Variants in PIGU observed in about 807,000 individuals in gnomAD.
PIGU encodes the protein GPI-anchor transamidase component PIGU.
In PIGU, 24 loss-of-function variants were observed where a neutral mutation model predicts 49.9. The ratio of observed to expected loss-of-function variants is 0.48; its 90% CI spans 0.35 to 0.68. The LOEUF is 0.68. Among genes scored for constraint, PIGU ranks in the 30% least tolerant of loss-of-function variants. The pLI is 0.01. For missense variants in PIGU, 490 were observed against 532.6 expected, an observed-to-expected ratio of 0.92 and a Z score of 0.79; for synonymous variants, 220 against 205.7, an observed-to-expected ratio of 1.07 and a Z score of -0.59.
intron 8 of PIGU, among the ~76,000 whole-genome samples, chr20:34,587,806 C>T (rs1291617627): frequency 6.6e-6 from 1 of 152,204 alleles, no homozygotes; most frequent in African/African-American, 2.4e-5. Context: ...TCCATCCCTA[C>T]TACTGTCATA....
intron 7 of PIGU, among the ~76,000 whole-genome samples, chr20:34,603,888 A>ACACACACACACACACACACACC (rs901711456): frequency 2.0e-5 from 3 of 150,584 alleles, no homozygotes; most frequent in African/African-American, 7.3e-5. Context: ...ACACACACAC[A>ACACACACACACACACACACACC]CCACACCCCT....
At chr20:34,589,148 C>T (rs1983839209) in intron 7 of PIGU, among the ~76,000 whole-genome samples, 1 of 130,972 alleles carries the variant, frequency 7.6e-6, no homozygotes, top group Non-Finnish European at 1.6e-5. Flanking sequence ...CACACACACA[C>T]ATCTGTAAGT....
chr20:34,616,057 G>T lies in PIGU; in HGVS notation c.612C>A (p.Leu204=). The T allele has an allele frequency of 6.2e-7, 1 of 1,611,334 alleles. No individual in the cohort carries two copies. Residue 204 remains leucine (L), a synonymous_variant, in exon 7 of 12, where the codon CTC becomes CTA. Transcript: ENST00000217446. ...LYPLTLFVPG[L]LYLLQRQYIP... ...AAGTGCTTACCTGGAGGAGATAGAG[G>T]AGTCCTGGGACAAACAAGGTGAGTG...
intron 3 of PIGU, 68 bp from the exon 4 acceptor site, chr20:34,644,294 G>C: frequency 7.4e-7 from 1 of 1,351,116 alleles, no homozygotes; most frequent in Non-Finnish European, 1.1e-6. Flanking sequence ...AGTGCTACCA[G>C]GGCTTGGAGT....
intron 7 of PIGU, among the ~76,000 whole-genome samples, chr20:34,607,881 G>A (rs995384145): frequency 1.3e-5 from 2 of 152,150 alleles, no homozygotes; most frequent in African/African-American, 4.8e-5. Context: ...CTCCCTAAGT[G>A]CTGGGACTAT....
intron 11 of PIGU, among the ~76,000 whole-genome samples, chr20:34,565,753 ACT>A (rs747890054): frequency 3.3e-5 from 5 of 151,670 alleles, no homozygotes; most frequent in Non-Finnish European, 5.9e-5. Context: ...ACACACGCAC[ACT>A]CACACTGCTC....
chr20:34,632,370 C>A (rs1435384311), intron 6 of PIGU, among the ~76,000 whole-genome samples: 1 of 151,438 alleles, frequency 6.6e-6, no homozygotes, highest in Non-Finnish European at 1.5e-5. Context: ...ATCTCATATA[C>A]CCTTTTTTTT....
In PIGU at chr20:34,591,853, T is replaced by C. The variant is rs374417950; in HGVS notation, c.628-3246A>G. ...ACCTCATATTACTATTTGTGTAATGTAGATAAAACAATACTCTGAGGGAAA... is the reference window on the plus strand; with the variant it reads ...ACCTCATATTACTATTTGTGTAATGCAGATAAAACAATACTCTGAGGGAAA... On this transcript the variant is annotated intron_variant, in intron 7 of 11. Coordinates refer to ENST00000217446, the MANE Select transcript of PIGU (RefSeq NM_080476.5). 7.9e-5 allele frequency among the ~76,000 whole-genome samples: 12 copies of C among 152,332 alleles called. No individual in the cohort carries two copies. The East Asian group carries it at 1.5e-3, about 20-fold the overall frequency.
In PIGU at chr20:34,615,045, C is replaced by T. The variant is rs1984955414; in HGVS notation, c.627+997G>A. ...GAGAGCACGCTCTGGCATCAGATGG[C>T]CATGGTTCATATCTTAGCAATGTCA... On this transcript the variant is annotated intron_variant, in intron 7 of 11. Transcript: ENST00000217446. Among the ~76,000 whole-genome samples the T allele has an allele frequency of 2.6e-5, 4 of 152,188 alleles. No homozygotes were observed. The South Asian group carries it at 8.3e-4, about 31-fold the overall frequency.
In PIGU at chr20:34,581,533, G is replaced by A. The variant is rs201338299; in HGVS notation, c.1051+15C>T. ...CAGGCTGACACAAATCTGTGGCAGA[G>A]GCGGGAGTACTCACATCTGTAGAGA... On this transcript the variant is annotated intron_variant, in intron 10 of 11. Coordinates refer to ENST00000217446, the MANE Select transcript of PIGU (RefSeq NM_080476.5). 4 of 1,607,026 alleles carry A rather than the reference G, an allele frequency of 2.5e-6. No individual in the cohort carries two copies. The Admixed American group carries it at 6.7e-5, about 27-fold the overall frequency.
chr20:34,649,761 C>T (rs1986470162), intron 2 of PIGU, among the ~76,000 whole-genome samples: 1 of 151,694 alleles, frequency 6.6e-6, no homozygotes, highest in Non-Finnish European at 1.5e-5. Context: ...TCTTGAACTC[C>T]TGACCTTAAG....
intron 2 of PIGU, among the ~76,000 whole-genome samples, chr20:34,656,383 C>T (rs1372321558): frequency 9.1e-6 from 1 of 110,006 alleles, no homozygotes; most frequent in African/African-American, 3.4e-5. Context: ...CCCGGGTTCG[C>T]GCCATTCTCC....
intron 3 of PIGU, among the ~76,000 whole-genome samples, chr20:34,644,574 T>C (rs1393744699): frequency 6.6e-6 from 1 of 152,204 alleles, no homozygotes; most frequent in Non-Finnish European, 1.5e-5. Flanking sequence ...AGGTCCTCAA[T>C]AAATAGAGTT....
chr20:34,585,720 G>A, intron 8 of PIGU, 140 bp from the exon 9 acceptor site: 1 of 828,180 alleles, frequency 1.2e-6, no homozygotes, highest in Non-Finnish European at 1.9e-6. Flanking sequence ...GGATGGGAAG[G>A]GCTCTCTAGG....
At chr20:34,589,224 G>C (rs1446260927) in intron 7 of PIGU, among the ~76,000 whole-genome samples, 1 of 151,972 alleles carries the variant, frequency 6.6e-6, no homozygotes, top group African/African-American at 2.4e-5. Context: ...CTGGGAACCA[G>C]AGAGGAAAAT....
At chr20:34,592,437 GAAAAA>G (rs11475377) in intron 7 of PIGU, among the ~76,000 whole-genome samples, 1 of 120,420 alleles carries the variant, frequency 8.3e-6, no homozygotes, top group Non-Finnish European at 1.7e-5. Context: ...GAATAATTAA[GAAAAA>G]AAAAAAAAAG....
intron 11 of PIGU, among the ~76,000 whole-genome samples, chr20:34,568,439 G>A (rs1352016156): frequency 6.6e-6 from 1 of 152,198 alleles, no homozygotes; most frequent in Non-Finnish European, 1.5e-5. Flanking sequence ...CACAGGCACC[G>A]CATATCGGGA....
intron 7 of PIGU, among the ~76,000 whole-genome samples, chr20:34,607,342 A>C (rs1984654441): frequency 6.6e-6 from 1 of 152,124 alleles, no homozygotes; most frequent in African/African-American, 2.4e-5. Flanking sequence ...TCCTGTACTC[A>C]TAAAAACCCC....
At position 34,616,028 on chromosome 20, in the gene PIGU, C is replaced by A. The variant is rs1984992244; in HGVS notation, c.627+14G>T. On this transcript the variant is annotated intron_variant, in intron 7 of 11. Transcript: ENST00000217446. ...TGTCACTTGGGTGCTGGCTTCTGAC[C>A]AGCAAGTGCTTACCTGGAGGAGATA... is the stretch of plus-strand genomic sequence containing the variant. 1 of 1,598,938 alleles carries A rather than the reference C, an allele frequency of 6.3e-7. No homozygotes were observed. The highest frequency in any genetic ancestry group is 8.5e-7 in the Non-Finnish European group (1 of 1,174,442).
Sources: gnomAD v4.1 joint callset for allele counts (sites outside exome capture counted in the v4.1 genomes callset) on GRCh38, gnomAD v4.1.1 for gene constraint, MANE v1.5 for transcripts, NCBI Gene and HGNC (gene_info 2026-07-23, HGNC 2026-07-21) for gene names.